ENTREP2: variants seen among roughly 807,000 people sequenced by gnomAD.
ENTREP2 encodes the protein endosomal transmembrane epsin interactor 2.
At chr15:29,228,000 G>A in the ENTREP2 span, among the ~76,000 whole-genome samples, 2 of 151,890 alleles carry the variant, frequency 1.3e-5, no homozygotes, top group African/African-American at 4.8e-5. Flanking sequence ...AAAGAAACTT[G>A]AAAACATGAT....
chr15:29,138,485 A>G, the ENTREP2 span, among the ~76,000 whole-genome samples: 1 of 152,130 alleles, frequency 6.6e-6, no homozygotes, highest in Admixed American at 6.6e-5. Flanking sequence ...CTCCTGGCGC[A>G]GGGCAGGTGA....
At chr15:29,280,400 CAG>C in the ENTREP2 span, among the ~76,000 whole-genome samples, 5 of 152,024 alleles carry the variant, frequency 3.3e-5, no homozygotes, top group Non-Finnish European at 7.4e-5. Flanking sequence ...AAGCCTTGAA[CAG>C]ACAAAATAAA....
chr15:29,274,283 T>C, the ENTREP2 span, among the ~76,000 whole-genome samples: 1 of 152,190 alleles, frequency 6.6e-6, no homozygotes, highest in African/African-American at 2.4e-5. Context: ...ATTTATTATG[T>C]TTCTCTTCTC....
chr15:29,445,419 C>CT, the ENTREP2 span, among the ~76,000 whole-genome samples: 1 of 152,102 alleles, frequency 6.6e-6, no homozygotes, highest in Non-Finnish European at 1.5e-5. Context: ...ACCACCACCC[C>CT]TCACCTTAGG....
chr15:29,521,660 C>T, the ENTREP2 span, among the ~76,000 whole-genome samples: 6 of 152,092 alleles, frequency 3.9e-5, no homozygotes, highest in African/African-American at 1.2e-4. Flanking sequence ...CTCTTTGTCT[C>T]TGGGGCAGAA....
chr15:29,661,346 G>A, the ENTREP2 span, among the ~76,000 whole-genome samples: 1 of 152,030 alleles, frequency 6.6e-6, no homozygotes. Context: ...GATTACAGGT[G>A]CACACCACCA....
chr15:29,316,751 T>C, the ENTREP2 span, among the ~76,000 whole-genome samples: 2 of 152,208 alleles, frequency 1.3e-5, no homozygotes, highest in Non-Finnish European at 2.9e-5. Context: ...TATGAAAATA[T>C]GGGTTCAGAT....
the ENTREP2 span, among the ~76,000 whole-genome samples, chr15:29,263,753 A>G: frequency 4.6e-5 from 7 of 152,208 alleles, no homozygotes; most frequent in African/African-American, 2.4e-5. Flanking sequence ...GATATTTCCC[A>G]TAGGCATGAG....
the ENTREP2 span, among the ~76,000 whole-genome samples, chr15:29,395,731 G>A: frequency 4.0e-5 from 6 of 151,538 alleles, no homozygotes; most frequent in Non-Finnish European, 8.8e-5. Context: ...TGGGGGTTTC[G>A]CCACGTTGCC....
At chr15:29,174,452 G>A in the ENTREP2 span, among the ~76,000 whole-genome samples, 1 of 152,170 alleles carries the variant, frequency 6.6e-6, no homozygotes, top group Non-Finnish European at 1.5e-5. Flanking sequence ...ACTTTGGGAG[G>A]CCGAGGCGGG....
the ENTREP2 span, chr15:29,269,041 A>G: frequency 4.3e-6 from 7 of 1,613,846 alleles, no homozygotes; most frequent in African/African-American, 2.7e-5. Context: ...CTCAGTAATG[A>G]GTTTCTTTGG....
the ENTREP2 span, among the ~76,000 whole-genome samples, chr15:29,525,453 A>T: frequency 6.6e-6 from 1 of 152,338 alleles, no homozygotes; most frequent in Non-Finnish European, 1.5e-5. Context: ...AACCTCAAAA[A>T]CATTTTGCTA....
the ENTREP2 span, among the ~76,000 whole-genome samples, chr15:29,552,492 G>A: frequency 1.3e-5 from 2 of 152,042 alleles, no homozygotes; most frequent in African/African-American, 2.4e-5. Flanking sequence ...CCAGCTATTC[G>A]GGAGGCCAAG....
the ENTREP2 span, among the ~76,000 whole-genome samples, chr15:29,258,504 TTTAA>T: frequency 1.3e-5 from 2 of 151,866 alleles, no homozygotes; most frequent in African/African-American, 4.8e-5. Context: ...ATTGTTTTTT[TTTAA>T]TTGTGGTAAA....
At chr15:29,390,730 C>G in the ENTREP2 span, among the ~76,000 whole-genome samples, 13 of 152,328 alleles carry the variant, frequency 8.5e-5, no homozygotes, top group African/African-American at 2.4e-4. Context: ...ATCTTGTCCT[C>G]TAACACTGAA....
the ENTREP2 span, among the ~76,000 whole-genome samples, chr15:29,186,954 A>G: frequency 1.3e-5 from 2 of 152,188 alleles, no homozygotes; most frequent in African/African-American, 4.8e-5. Context: ...ATGTGTATAC[A>G]TGGCCAACCA....
chr15:29,492,583 T>C, the ENTREP2 span, among the ~76,000 whole-genome samples: 1 of 152,234 alleles, frequency 6.6e-6, no homozygotes, highest in Non-Finnish European at 1.5e-5. Context: ...CTATGAGCTA[T>C]CGGTTATGAC....
At chr15:29,120,962 C>G in the ENTREP2 span, 2 of 151,420 alleles carry the variant, frequency 1.3e-5, no homozygotes, top group African/African-American at 4.9e-5. Context: ...TCCCAGGAAG[C>G]CCAGAACCTG....
chr15:29,271,749 G>A, the ENTREP2 span, among the ~76,000 whole-genome samples: 29 of 152,126 alleles, frequency 1.9e-4, no homozygotes, highest in Non-Finnish European at 3.2e-4. Flanking sequence ...CAGAAATTGT[G>A]CATTTGGGGA....
Sources: allele counts gnomAD v4.1 joint callset (sites outside exome capture counted in the v4.1 genomes callset), GRCh38; gene constraint gnomAD v4.1.1; transcripts MANE v1.5; gene names NCBI Gene and HGNC (gene_info 2026-07-23, HGNC 2026-07-21).